SMYD3: variants seen among roughly 807,000 people sequenced by gnomAD.
SMYD3 encodes histone-lysine N-methyltransferase SMYD3.
Under a neutral mutation model 57.7 loss-of-function variants are expected in SMYD3, and 36 were observed. The ratio of observed to expected loss-of-function variants is 0.62; its 90% confidence interval spans 0.48 to 0.82. SMYD3 has a LOEUF of 0.82. Among genes scored for constraint, SMYD3 ranks in the 40% least tolerant of loss-of-function variants. SMYD3 has a pLI of 0.00. For synonymous variants in SMYD3, 211 were observed against 195.0 expected, an observed-to-expected ratio of 1.08 and a Z score of -0.68; for missense variants, 515 against 538.8, an observed-to-expected ratio of 0.96 and a Z score of 0.44.
chr1:246,316,435 C>A (rs2065158265), intron 5 of SMYD3, among the ~76,000 whole-genome samples: 1 of 150,904 alleles, frequency 6.6e-6, no homozygotes, highest in African/African-American at 2.4e-5. Context: ...TCTCAGCTCG[C>A]TGCAACCTCC....
chr1:245,957,913 T>C lies in SMYD3; in HGVS notation c.532-27976A>G, dbSNP rs929433726. On this transcript the variant is annotated intron_variant, in intron 5 of 11. Transcript: ENST00000490107. ...ACTCCAAAATGTAGAATTGTGTGGT[T>C]AGGTTTAAAAAATGACAGAATTCTT... Among the ~76,000 whole-genome samples, 11 of 152,272 alleles carry C rather than the reference T, an allele frequency of 7.2e-5. No individual in the cohort carries two copies. In the South Asian group the frequency reaches 1.9e-3, roughly 26 times the overall value.
At chr1:246,299,771 G>A (rs2064860163) in intron 5 of SMYD3, among the ~76,000 whole-genome samples, 1 of 152,050 alleles carries the variant, frequency 6.6e-6, no homozygotes, top group East Asian at 1.9e-4. Flanking sequence ...ACTTGTAAGG[G>A]AGGGCTACAT....
intron 2 of SMYD3, among the ~76,000 whole-genome samples, chr1:246,353,368 AT>A (rs968424513): frequency 2.0e-5 from 3 of 151,446 alleles, no homozygotes; most frequent in Non-Finnish European, 4.4e-5. Context: ...CTCCATTAAA[AT>A]TTTTTTTTAA....
At chr1:245,825,142 A>G (rs2049411803) in intron 10 of SMYD3, among the ~76,000 whole-genome samples, 1 of 152,172 alleles carries the variant, frequency 6.6e-6, no homozygotes, top group South Asian at 2.1e-4. Flanking sequence ...GACACGTGAG[A>G]ATGCAGCTTT....
chr1:246,172,079 C>T (rs2062345013), intron 5 of SMYD3, among the ~76,000 whole-genome samples: 1 of 152,198 alleles, frequency 6.6e-6, no homozygotes, highest in African/African-American at 2.4e-5. Flanking sequence ...ATGAATGGAG[C>T]TTGCAGGACT....
intron 5 of SMYD3, among the ~76,000 whole-genome samples, chr1:246,095,703 C>T (rs2147909402): frequency 6.6e-6 from 1 of 152,328 alleles, no homozygotes; most frequent in African/African-American, 2.4e-5. Context: ...CACAGTGAGA[C>T]TCTGTCTGTA....
chr1:245,954,487 A>G (rs1308748626), intron 5 of SMYD3, among the ~76,000 whole-genome samples: 1 of 152,190 alleles, frequency 6.6e-6, no homozygotes, highest in Non-Finnish European at 1.5e-5. Flanking sequence ...CAGCCTGGGC[A>G]ACATGGTGAA....
At chr1:245,997,548 A>G (rs960686465) in intron 5 of SMYD3, among the ~76,000 whole-genome samples, 24 of 152,208 alleles carry the variant, frequency 1.6e-4, no homozygotes, top group African/African-American at 5.8e-4. Context: ...GGCAGGGATT[A>G]TCTCCCCTGA....
intron 5 of SMYD3, among the ~76,000 whole-genome samples, chr1:245,940,588 A>C (rs1223560512): frequency 6.6e-6 from 1 of 151,270 alleles, no homozygotes; most frequent in East Asian, 1.9e-4. Flanking sequence ...AACAAAACAA[A>C]AAAAAACAGA....
intron 5 of SMYD3, among the ~76,000 whole-genome samples, chr1:245,943,491 T>C (rs1448016516): frequency 6.6e-6 from 1 of 152,072 alleles, no homozygotes; most frequent in Non-Finnish European, 1.5e-5. Flanking sequence ...GAGGCAGTAA[T>C]AGCCTACCAA....
chr1:246,330,488 A>G lies in SMYD3; in HGVS notation c.386T>C (p.Leu129Pro). The change falls in exon 4 of 12, where the codon CTG becomes CCG. Residue 129 changes from leucine (L) to proline (P), a missense_variant. Physicochemically the swap from Leu to Pro is moderately conservative, Grantham distance 98. Transcript: ENST00000490107. ...ESEKLYSFYD[L>P]ESNINKLTED... ...GATAGACAATCACTTACTTGACTCC[A>G]GATCATAAAATGAGTAAAGCTTCTC... 1.9e-6 allele frequency: 3 copies of G among 1,589,202 alleles called. No individual in the cohort carries two copies. Among genetic ancestry groups the G allele is most frequent in the Non-Finnish European group, 2.6e-6 (3 of 1,169,750 alleles).
chr1:246,087,258 T>C (rs1036401721), intron 5 of SMYD3, among the ~76,000 whole-genome samples: 4 of 152,180 alleles, frequency 2.6e-5, no homozygotes, highest in South Asian at 4.1e-4. Flanking sequence ...ATTCTTATTA[T>C]AGAGGGAATA....
intron 5 of SMYD3, among the ~76,000 whole-genome samples, chr1:246,214,180 G>A (rs1193843781): frequency 6.6e-6 from 1 of 152,150 alleles, no homozygotes; most frequent in East Asian, 1.9e-4. Context: ...TGATAAGGTT[G>A]AAAAAGACAA....
chr1:246,363,534 AAAG>A (rs920685763), intron 1 of SMYD3, among the ~76,000 whole-genome samples: 6 of 152,208 alleles, frequency 3.9e-5, no homozygotes, highest in Non-Finnish European at 5.9e-5. Context: ...GTCTGTGTAG[AAAG>A]AAGTAGACAT....
chr1:245,939,124 C>A (rs1304837712), intron 5 of SMYD3, among the ~76,000 whole-genome samples: 1 of 149,604 alleles, frequency 6.7e-6, no homozygotes, highest in South Asian at 2.1e-4. Context: ...GCCTCGGCGA[C>A]AGAGCGAGAC....
intron 5 of SMYD3, among the ~76,000 whole-genome samples, chr1:246,006,857 C>G (rs753841677): frequency 1.3e-5 from 2 of 152,166 alleles, no homozygotes; most frequent in Admixed American, 6.5e-5. Flanking sequence ...CAAACAAGAT[C>G]AAGGAGCCTG....
chr1:246,166,873 T>C (rs900465452), intron 5 of SMYD3, among the ~76,000 whole-genome samples: 2 of 152,172 alleles, frequency 1.3e-5, no homozygotes, highest in Admixed American at 6.5e-5. Context: ...CACCAACCTA[T>C]CCAGCTCCAA....
At chr1:245,993,577 AAAAGATAGATAGATAGATAGATAGAT>A (rs200564008) in intron 5 of SMYD3, among the ~76,000 whole-genome samples, 4,887 of 132,156 alleles carry the variant, frequency 0.037, 174 homozygotes, top group Non-Finnish European at 0.051. Flanking sequence ...TCAAAAAAAA[AAAAGATAGATAGATAGATAGATAGAT>A]AGATAGATAG....
At chr1:246,175,618 G>A (rs1162393501) in intron 5 of SMYD3, among the ~76,000 whole-genome samples, 2 of 152,086 alleles carry the variant, frequency 1.3e-5, no homozygotes, top group African/African-American at 4.8e-5. Flanking sequence ...CCATTCACAG[G>A]GTGGTCATTC....
Sources: allele counts gnomAD v4.1 joint callset (sites outside exome capture counted in the v4.1 genomes callset), GRCh38; gene constraint gnomAD v4.1.1; transcripts MANE v1.5; gene names NCBI Gene and HGNC (gene_info 2026-07-23, HGNC 2026-07-21).